Variants in TUB observed in about 807,000 individuals in gnomAD.
TUB encodes the protein tubby protein homolog.
Under a neutral mutation model 59.7 loss-of-function variants are expected in TUB, and 33 were observed. The observed-to-expected ratio is 0.55, with a 90% confidence interval of 0.42 to 0.74. The LOEUF (loss-of-function observed/expected upper bound fraction) is 0.74. TUB is among the 30% of genes least tolerant of loss of function. The pLI is 0.00. For synonymous variants in TUB, 293 were observed against 256.4 expected (o/e 1.14, Z -1.36); for missense variants, 659 against 672.0 (o/e 0.98, Z 0.21).
At chr11:8,073,145 C>T (rs986389639) in intron 2 of TUB, among the ~76,000 whole-genome samples, 1 of 152,228 alleles carries the variant, frequency 6.6e-6, no homozygotes, top group Non-Finnish European at 1.5e-5. Context: ...TTTATCCCCA[C>T]TTCAGAGTCT....
chr11:8,057,277 C>A (rs940157334), intron 2 of TUB, among the ~76,000 whole-genome samples: 2 of 152,194 alleles, frequency 1.3e-5, no homozygotes, highest in East Asian at 3.9e-4. Context: ...CACAGTTACT[C>A]GCGCCTGTAA....
At chr11:8,067,832 G>T (rs1397146881) in intron 2 of TUB, 2 of 152,304 alleles carry the variant, frequency 1.3e-5, no homozygotes, top group African/African-American at 4.8e-5. Flanking sequence ...CTAAGCTCCA[G>T]ATGCGCTTTT....
At position 8,081,522 on chromosome 11, in the gene TUB, G is replaced by C; in HGVS notation, c.12G>C (p.Lys4Asn). ...CGCCCCCGAGAGACATGACTTCCAA[G>C]CCGCATTCCGACTGGATTCCCTACA... MTS[K>N]PHSDWIPYSV... Residue 4 changes from lysine (K) to asparagine (N), a missense_variant, in exon 1 of 12, where the codon AAG becomes AAC. Physicochemically the swap from Lys to Asn is moderately conservative, Grantham distance 94. Coordinates refer to ENST00000299506, the MANE Select transcript of TUB (RefSeq NM_177972.3). The C allele has an allele frequency of 1.3e-6, 2 of 1,552,566 alleles. No homozygotes were observed. Among genetic ancestry groups the C allele is most frequent in the Non-Finnish European group, 1.7e-6 (2 of 1,155,458 alleles).
At chr11:8,038,650 G>A in exon 1 of TUB, 2 of 1,328,458 alleles carry the variant, frequency 1.5e-6, no homozygotes, top group Admixed American at 6.6e-5. Context: ...ATTCAGTCTG[G>A]TCCTGAAGGG....
chr11:8,053,412 T>C (rs1480678745), intron 2 of TUB, among the ~76,000 whole-genome samples: 1 of 152,196 alleles, frequency 6.6e-6, no homozygotes, highest in African/African-American at 2.4e-5. Flanking sequence ...GCAGAATTAG[T>C]TGGTTGCATC....
At position 8,096,877 on chromosome 11, in the gene TUB, G is replaced by A. The variant is rs562614737; in HGVS notation, c.687+71G>A. 2.6e-6 allele frequency: 4 copies of A among 1,555,916 alleles called. No homozygotes were observed. The African/African-American group carries it at 5.4e-5, about 21-fold the overall frequency. ...CATCCGTTAGAGGTGGACTGCATGT[G>A]AAGAGATGGACTCGTATGCCTTTAG... On this transcript the variant is annotated intron_variant, in intron 6 of 11. Transcript: ENST00000299506.
chr11:8,026,240 C>T (rs1237524088), intron 1 of TUB, among the ~76,000 whole-genome samples: 1 of 151,998 alleles, frequency 6.6e-6, no homozygotes, highest in African/African-American at 2.4e-5. Flanking sequence ...ATATTTTCTC[C>T]AAGTCTGTGG....
rs1006869422 is a variant in TUB at position 8,105,108 on chromosome 11, T to G, written c.*3489T>G. ...GGAGATGCTGGGATAGCCATTTCCA[T>G]GGCTCTGTTATGCAAGCACAAATTT... On this transcript the variant is annotated 3_prime_UTR_variant, in exon 12 of 12. Transcript: ENST00000299506. 1 of 152,222 alleles carries G rather than the reference T, an allele frequency of 6.6e-6. No individual in the cohort carries two copies. The highest frequency in any genetic ancestry group is 1.5e-5 in the Non-Finnish European group (1 of 68,030). The allele number at this position is 152,222 out of a possible 1,614,324, so 9.4% of individuals were successfully genotyped here.
intron 11 of TUB, among the ~76,000 whole-genome samples, 192 bp from the exon 12 acceptor site, chr11:8,101,294 C>T (rs1395386050): frequency 6.6e-6 from 1 of 152,012 alleles, no homozygotes; most frequent in Non-Finnish European, 1.5e-5. Context: ...TTACTTTGTC[C>T]TTTGCCATCT....
intron 2 of TUB, among the ~76,000 whole-genome samples, chr11:8,054,214 G>C (rs1382759510): frequency 1.3e-5 from 2 of 152,154 alleles, no homozygotes; most frequent in Non-Finnish European, 2.9e-5. Flanking sequence ...TTTCTTCTAT[G>C]GTTATTAATC....
At chr11:8,074,064 G>A (rs907546448) in intron 2 of TUB, among the ~76,000 whole-genome samples, 7 of 151,686 alleles carry the variant, frequency 4.6e-5, no homozygotes, top group East Asian at 1.9e-4. Context: ...ATGTCAACTC[G>A]TAAGGCGTTA....
chr11:8,029,779 G>A (rs1023811712), intron 1 of TUB, among the ~76,000 whole-genome samples: 2 of 152,190 alleles, frequency 1.3e-5, no homozygotes, highest in African/African-American at 4.8e-5. Context: ...AGGGTGGAGG[G>A]ATGAGAACAG....
chr11:8,040,079 A>C (rs1445281395), intron 2 of TUB, among the ~76,000 whole-genome samples: 1 of 152,132 alleles, frequency 6.6e-6, no homozygotes, highest in Non-Finnish European at 1.5e-5. Context: ...CCACAGAGGG[A>C]ATCATGGTGG....
chr11:8,026,775 C>T (rs933811255), intron 1 of TUB, among the ~76,000 whole-genome samples: 1 of 152,156 alleles, frequency 6.6e-6, no homozygotes, highest in African/African-American at 2.4e-5. Context: ...TTTTCAAGTT[C>T]TAACCCCCAT....
chr11:8,047,154 T>C (rs547106154), intron 2 of TUB, among the ~76,000 whole-genome samples: 1 of 152,144 alleles, frequency 6.6e-6, no homozygotes, highest in Non-Finnish European at 1.5e-5. Flanking sequence ...CACTGCCAGC[T>C]GCACCAGCCC....
intron 2 of TUB, among the ~76,000 whole-genome samples, chr11:8,046,056 C>T (rs891756518): frequency 4.6e-5 from 7 of 152,156 alleles, no homozygotes; most frequent in African/African-American, 9.7e-5. Context: ...TACAGGCCTC[C>T]GAAGCACATT....
At chr11:8,038,612 G>A, upstream of TUB, 1 of 1,196,912 alleles carries the variant, frequency 8.4e-7, no homozygotes, top group Admixed American at 4.2e-5. Context: ...GGGTGTCCCT[G>A]TGTGGCATGG....
upstream of TUB, among the ~76,000 whole-genome samples, chr11:8,079,622 G>T (rs1943505907): frequency 6.6e-6 from 1 of 152,150 alleles, no homozygotes; most frequent in South Asian, 2.1e-4. Flanking sequence ...CCTGTCCTGA[G>T]CTCCAGAAGC....
intron 2 of TUB, among the ~76,000 whole-genome samples, chr11:8,057,858 G>GGC (rs1169907998): frequency 6.6e-6 from 1 of 152,054 alleles, no homozygotes; most frequent in Non-Finnish European, 1.5e-5. Flanking sequence ...TTTGTATAAG[G>GGC]GCACTGGTTC....
Sources: allele counts gnomAD v4.1 joint callset (sites outside exome capture counted in the v4.1 genomes callset), GRCh38; gene constraint gnomAD v4.1.1; transcripts MANE v1.5; gene names NCBI Gene and HGNC (gene_info 2026-07-23, HGNC 2026-07-21).